NREP: variants seen among roughly 807,000 people sequenced by gnomAD.
NREP encodes neuronal regeneration-related protein.
In NREP, 5 loss-of-function variants were observed where a neutral mutation model predicts 8.6. The observed-to-expected ratio is 0.58, with a 90% CI of 0.30 to 1.22. NREP has a LOEUF of 1.22. Among genes scored for constraint, NREP ranks in the 50% most tolerant of loss-of-function variants. NREP has a pLI of 0.07. For missense variants in NREP, 86 were observed against 82.5 expected, an observed-to-expected ratio of 1.04 and a Z score of -0.17; for synonymous variants, 27 against 28.0, an observed-to-expected ratio of 0.96 and a Z score of 0.11.
At chr5:111,856,098 A>C (rs940564389) in intron 2 of NREP, among the ~76,000 whole-genome samples, 1 of 152,118 alleles carries the variant, frequency 6.6e-6, no homozygotes, top group Non-Finnish European at 1.5e-5. Context: ...CCTGCCACTG[A>C]GGCAAGGGGA....
upstream of NREP, among the ~76,000 whole-genome samples, chr5:111,762,041 G>T (rs906436373): frequency 6.6e-6 from 1 of 152,082 alleles, no homozygotes; most frequent in Non-Finnish European, 1.5e-5. Context: ...CAATTTCAGA[G>T]AATATTAGAG....
At chr5:111,974,599 A>G (rs906880384) in intron 2 of NREP, 2 of 152,252 alleles carry the variant, frequency 1.3e-5, no homozygotes, top group Non-Finnish European at 2.9e-5. Flanking sequence ...TAGCAATCCT[A>G]TGTTCCAATA....
At chr5:111,970,321 G>A (rs984355560) in intron 2 of NREP, among the ~76,000 whole-genome samples, 2 of 152,100 alleles carry the variant, frequency 1.3e-5, no homozygotes, top group Non-Finnish European at 2.9e-5. Context: ...CTGTCAAAAT[G>A]ATGGCATTGG....
intron 2 of NREP, among the ~76,000 whole-genome samples, chr5:111,962,380 C>A (rs536449787): frequency 6.6e-6 from 1 of 151,924 alleles, no homozygotes; most frequent in Non-Finnish European, 1.5e-5. Context: ...AATCCCAAAC[C>A]CCCATTCATC....
At chr5:111,883,382 T>C (rs1038822744) in intron 2 of NREP, among the ~76,000 whole-genome samples, 1 of 152,144 alleles carries the variant, frequency 6.6e-6, no homozygotes, top group Non-Finnish European at 1.5e-5. Context: ...TGGGAGACTT[T>C]AACAACCCAC....
At chr5:111,751,613 G>A (rs1191427354) in intron 2 of NREP, among the ~76,000 whole-genome samples, 4 of 152,086 alleles carry the variant, frequency 2.6e-5, no homozygotes, top group Non-Finnish European at 5.9e-5. Flanking sequence ...CAACCAAGAT[G>A]ACATAATCCA....
intron 3 of NREP, chr5:111,731,681 G>A (rs1373947446): frequency 2.0e-5 from 3 of 152,364 alleles, no homozygotes; most frequent in African/African-American, 7.2e-5. Flanking sequence ...GGGAAACCAA[G>A]GCCAGAAGAG....
intron 2 of NREP, among the ~76,000 whole-genome samples, chr5:111,895,180 C>T (rs1167064580): frequency 1.3e-5 from 2 of 152,144 alleles, no homozygotes; most frequent in Non-Finnish European, 2.9e-5. Flanking sequence ...AATGAATATC[C>T]TCAACTTATC....
intron 2 of NREP, among the ~76,000 whole-genome samples, chr5:111,917,230 C>A (rs984846319): frequency 6.6e-6 from 1 of 151,710 alleles, no homozygotes; most frequent in Non-Finnish European, 1.5e-5. Flanking sequence ...GCCTACCAAC[C>A]AAAAAAAGCC....
At chr5:111,891,381 G>T (rs963952848) in intron 2 of NREP, among the ~76,000 whole-genome samples, 4 of 152,150 alleles carry the variant, frequency 2.6e-5, no homozygotes, top group African/African-American at 9.7e-5. Flanking sequence ...TCATTTAACA[G>T]TCTCTAAAAA....
chr5:111,847,582 C>A (rs1242402072), intron 2 of NREP, among the ~76,000 whole-genome samples: 1 of 152,136 alleles, frequency 6.6e-6, no homozygotes, highest in African/African-American at 2.4e-5. Flanking sequence ...CTCATAGTGT[C>A]CTGCAAAGCA....
At chr5:111,857,563 G>C (rs1022919378) in intron 2 of NREP, among the ~76,000 whole-genome samples, 1 of 152,158 alleles carries the variant, frequency 6.6e-6, no homozygotes, top group African/African-American at 2.4e-5. Context: ...ACTGTCAGCT[G>C]TGTATCGGGG....
chr5:111,967,657 G>T (rs990362273), intron 2 of NREP, among the ~76,000 whole-genome samples: 1 of 151,974 alleles, frequency 6.6e-6, no homozygotes. Flanking sequence ...GAAGTGAGGA[G>T]CGCCTCTGCC....
intron 2 of NREP, among the ~76,000 whole-genome samples, chr5:111,939,062 G>A (rs1755759314): frequency 6.6e-6 from 1 of 151,826 alleles, no homozygotes; most frequent in Non-Finnish European, 1.5e-5. Flanking sequence ...TAGATTTTTT[G>A]TTGCTGTTAA....
At chr5:111,879,659 C>A (rs10075625) in intron 2 of NREP, among the ~76,000 whole-genome samples, 1 of 152,044 alleles carries the variant, frequency 6.6e-6, no homozygotes, top group Non-Finnish European at 1.5e-5. Flanking sequence ...GTTGCCGTAA[C>A]GATATACCGT....
chr5:111,807,480 A>G (rs1752167790), intron 2 of NREP, among the ~76,000 whole-genome samples: 1 of 152,222 alleles, frequency 6.6e-6, no homozygotes, highest in African/African-American at 2.4e-5. Context: ...GTTAAACTTT[A>G]TAGAAATATA....
chr5:111,936,256 G>C (rs910825399), intron 2 of NREP, among the ~76,000 whole-genome samples: 1 of 152,014 alleles, frequency 6.6e-6, no homozygotes, highest in Non-Finnish European at 1.5e-5. Flanking sequence ...TGGATTATGG[G>C]GGCAGTTTCC....
At chr5:111,822,970 G>C (rs149246017) in intron 2 of NREP, among the ~76,000 whole-genome samples, 2,193 of 152,310 alleles carry the variant, frequency 0.014, 25 homozygotes, top group Non-Finnish European at 0.021. Flanking sequence ...AGGAATACTG[G>C]AGGCTAGGTA....
At chr5:111,749,429 GA>G (rs35475618) in intron 2 of NREP, among the ~76,000 whole-genome samples, 4,699 of 144,250 alleles carry the variant, frequency 0.033, 144 homozygotes, top group African/African-American at 0.083. Context: ...GAGATTGCAG[GA>G]AAAAAAAAAA....
Sources: allele counts gnomAD v4.1 joint callset (sites outside exome capture counted in the v4.1 genomes callset), GRCh38; gene constraint gnomAD v4.1.1; transcripts MANE v1.5; gene names NCBI Gene and HGNC (gene_info 2026-07-23, HGNC 2026-07-21).